MEF2C: variants seen among roughly 807,000 people sequenced by gnomAD.
MEF2C encodes myocyte-specific enhancer factor 2C.
Under a neutral mutation model 50.5 loss-of-function variants are expected in MEF2C, and 6 were observed. The ratio of observed to expected loss-of-function variants is 0.12; its 90% confidence interval spans 0.07 to 0.23. The LOEUF is 0.23. Ranked by LOEUF, MEF2C falls within the 10% of genes least tolerant of loss-of-function variation. The pLI is 1.00. For missense variants in MEF2C, 276 were observed against 605.0 expected (o/e 0.46, Z 5.70); for synonymous variants, 183 against 228.0 (o/e 0.80, Z 1.78).
At chr5:88,778,474 A>G (rs1786033387) in intron 3 of MEF2C, among the ~76,000 whole-genome samples, 1 of 152,182 alleles carries the variant, frequency 6.6e-6, no homozygotes, top group Non-Finnish European at 1.5e-5. Context: ...TGGTAACTAC[A>G]AGACTACATT....
At chr5:88,741,339 T>C in intron 6 of MEF2C, 1 of 984,576 alleles carries the variant, frequency 1.0e-6, no homozygotes, top group Non-Finnish European at 1.2e-6. Context: ...TTGCATCAGT[T>C]ATCTCATTTA....
At chr5:88,757,645 G>T (rs1775969275) in intron 4 of MEF2C, among the ~76,000 whole-genome samples, 1 of 152,160 alleles carries the variant, frequency 6.6e-6, no homozygotes, top group African/African-American at 2.4e-5. Context: ...GCCAGGCATG[G>T]AGGCTCACAC....
At chr5:88,858,061 C>G (rs1325490840) in intron 1 of MEF2C, among the ~76,000 whole-genome samples, 3 of 152,184 alleles carry the variant, frequency 2.0e-5, no homozygotes, top group Non-Finnish European at 4.4e-5. Flanking sequence ...GAATATCCAG[C>G]AAAGTATTTT....
At chr5:88,768,082 T>G (rs1369581132) in intron 3 of MEF2C, among the ~76,000 whole-genome samples, 2 of 152,232 alleles carry the variant, frequency 1.3e-5, no homozygotes, top group Admixed American at 1.3e-4. Flanking sequence ...CTCTTTAGAC[T>G]TTCTGATCGC....
At chr5:88,850,171 T>C (rs1313926970) in intron 1 of MEF2C, among the ~76,000 whole-genome samples, 1 of 150,772 alleles carries the variant, frequency 6.6e-6, no homozygotes, top group Non-Finnish European at 1.5e-5. Context: ...CCCCTATGAG[T>C]GAGAACATGC....
chr5:88,742,374 T>G (rs1767230889), intron 6 of MEF2C: 1 of 984,828 alleles, frequency 1.0e-6, no homozygotes, highest in Non-Finnish European at 1.2e-6. Context: ...AAAACTAGTA[T>G]TTCAGGGGGA....
intron 6 of MEF2C, chr5:88,746,738 G>T (rs976073229): frequency 1.0e-6 from 1 of 974,436 alleles, no homozygotes; most frequent in Non-Finnish European, 1.2e-6. Flanking sequence ...TGGTTGGCAT[G>T]AGAAAGAAGG....
intron 1 of MEF2C, chr5:88,839,698 A>G (rs1466176273): frequency 6.6e-6 from 1 of 152,190 alleles, no homozygotes; most frequent in Non-Finnish European, 1.5e-5. Context: ...ACTAGTTCAC[A>G]TACCAAATTA....
intron 6 of MEF2C, chr5:88,742,248 CCTTT>C: frequency 1.0e-6 from 1 of 985,332 alleles, no homozygotes; most frequent in East Asian, 1.1e-4. Context: ...AAAAAGCTTT[CCTTT>C]CTGTGTTATC....
chr5:88,853,549 A>C (rs1022162294), intron 1 of MEF2C, among the ~76,000 whole-genome samples: 2 of 152,252 alleles, frequency 1.3e-5, no homozygotes, highest in African/African-American at 4.8e-5. Flanking sequence ...CATTTTAGGC[A>C]ACAATATTAT....
At chr5:88,890,265 TC>T (rs1318065787) in intron 1 of MEF2C, among the ~76,000 whole-genome samples, 1 of 152,184 alleles carries the variant, frequency 6.6e-6, no homozygotes, top group African/African-American at 2.4e-5. Context: ...ACAGAAAACT[TC>T]CTTTCCCCTT....
At chr5:88,742,684 T>G in intron 6 of MEF2C, 1 of 985,390 alleles carries the variant, frequency 1.0e-6, no homozygotes, top group African/African-American at 1.7e-5. Flanking sequence ...AAGGCATATT[T>G]TACAACATCC....
chr5:88,824,286 G>T, intron 1 of MEF2C: 7 of 985,124 alleles, frequency 7.1e-6, no homozygotes, highest in Non-Finnish European at 7.2e-6. Flanking sequence ...ACCTAAATCA[G>T]AGAGTTAATG....
intron 10 of MEF2C, among the ~76,000 whole-genome samples, chr5:88,725,685 T>C (rs1207914864): frequency 1.3e-5 from 2 of 152,136 alleles, no homozygotes; most frequent in Non-Finnish European, 2.9e-5. Context: ...CCCTTTCCCA[T>C]AATTGTTCAG....
At chr5:88,812,941 A>G (rs1803525899) in intron 2 of MEF2C, among the ~76,000 whole-genome samples, 1 of 152,178 alleles carries the variant, frequency 6.6e-6, no homozygotes, top group Non-Finnish European at 1.5e-5. Flanking sequence ...GTAATGTTAC[A>G]TTAAGAACCA....
Position 88,751,919 on chromosome 5 carries a change from G to T in MEF2C, c.527C>A (p.Ser176Tyr), listed in dbSNP as rs1057521189. Residue 176 changes from serine (S) to tyrosine (Y), a missense_variant, in exon 5 of 11, where the codon TCT (serine) becomes TAT (tyrosine). Ser to Tyr is a moderately radical substitution (Grantham distance 144). This residue lies in a region of MEF2C where 256 missense variants were observed against 468.1 expected (regional missense o/e 0.55). Coordinates refer to ENST00000504921, the MANE Select transcript of MEF2C (RefSeq NM_002397.5). ...AGGAGACATACTATTCCTCTGCAGA[G>T]AAGGGTGAGCCAGTGGCAATAGGTT... ...NPNLLPLAHP[S>Y]LQRNSMSPGV... 1 of 1,614,030 alleles carries T rather than the reference G, an allele frequency of 6.2e-7. No homozygotes were observed. Among genetic ancestry groups the T allele is most frequent in the Non-Finnish European group, 8.5e-7 (1 of 1,179,886 alleles).
chr5:88,802,969 C>T (rs539106311), intron 3 of MEF2C, among the ~76,000 whole-genome samples: 73 of 152,036 alleles, frequency 4.8e-4, no homozygotes, highest in Non-Finnish European at 4.7e-4. Flanking sequence ...CTTTTGTTAC[C>T]CTGACTTTTG....
At chr5:88,823,607 T>C (rs2153222382) in intron 2 of MEF2C, 128 bp downstream of exon 2, 2 of 806,178 alleles carry the variant, frequency 2.5e-6, no homozygotes, top group Non-Finnish European at 3.8e-6. Context: ...CTTTAACTGG[T>C]CACATTTAAT....
At chr5:88,742,279 T>C in intron 6 of MEF2C, 1 of 985,330 alleles carries the variant, frequency 1.0e-6, no homozygotes, top group Non-Finnish European at 1.2e-6. Context: ...TAAAATCTTA[T>C]CATGATGCCA....
Sources: allele counts gnomAD v4.1 joint callset (sites outside exome capture counted in the v4.1 genomes callset), GRCh38; gene constraint gnomAD v4.1.1; regional missense constraint gnomAD v4.1.1; transcripts MANE v1.5; gene names NCBI Gene and HGNC (gene_info 2026-07-23, HGNC 2026-07-21).